The following GRM8 variants were observed in gnomAD, a reference collection of about 807,000 sequenced individuals.
The protein encoded by GRM8 is glutamate metabotropic receptor 8.
GRM8 carries 47 observed loss-of-function variants against 87.2 expected under a neutral mutation model. That is an observed-to-expected ratio of 0.54 (90% CI 0.43 to 0.69). GRM8 has a LOEUF of 0.69. Among genes scored for constraint, GRM8 ranks in the 30% least tolerant of loss-of-function variants. GRM8 has a pLI of 0.00. For synonymous variants in GRM8, 396 were observed against 404.5 expected, an observed-to-expected ratio of 0.98 and a Z score of 0.25; for missense variants, 1,019 against 1,139.2, an observed-to-expected ratio of 0.89 and a Z score of 1.52.
intron 6 of GRM8, among the ~76,000 whole-genome samples, chr7:126,889,211 C>T (rs1433670802): frequency 2.6e-5 from 4 of 152,138 alleles, no homozygotes; most frequent in Admixed American, 2.0e-4. Flanking sequence ...GCAACCACCA[C>T]TCTCACCACC....
At chr7:127,110,661 G>A (rs1826265354) in intron 2 of GRM8, among the ~76,000 whole-genome samples, 1 of 151,718 alleles carries the variant, frequency 6.6e-6, no homozygotes, top group Non-Finnish European at 1.5e-5. Flanking sequence ...CAATTATTTT[G>A]GTTAGGAAAA....
chr7:126,961,039 T>G (rs1809267079), intron 3 of GRM8, among the ~76,000 whole-genome samples: 1 of 152,088 alleles, frequency 6.6e-6, no homozygotes, highest in Non-Finnish European at 1.5e-5. Context: ...ACAATTCTCC[T>G]TCTTCATTTT....
intron 8 of GRM8, among the ~76,000 whole-genome samples, chr7:126,602,009 T>C (rs1304857362): frequency 1.6e-5 from 2 of 122,240 alleles, no homozygotes; most frequent in African/African-American, 2.8e-5. Flanking sequence ...TCCTTGCCCA[T>C]GCCTATGTCC....
intron 9 of GRM8, among the ~76,000 whole-genome samples, chr7:126,522,334 C>T (rs1813108221): frequency 6.6e-6 from 1 of 152,156 alleles, no homozygotes; most frequent in Non-Finnish European, 1.5e-5. Flanking sequence ...ACATCCCCTG[C>T]AACTCTTCAG....
chr7:126,530,482 G>A (rs1814623227), intron 9 of GRM8, among the ~76,000 whole-genome samples: 1 of 152,238 alleles, frequency 6.6e-6, no homozygotes. Context: ...TGGGCTGGGA[G>A]CCAGACTCAG....
At chr7:126,840,666 C>T (rs1255812658) in intron 6 of GRM8, among the ~76,000 whole-genome samples, 1 of 152,022 alleles carries the variant, frequency 6.6e-6, no homozygotes, top group Non-Finnish European at 1.5e-5. Flanking sequence ...CATAGCATGA[C>T]TTGCTAATGA....
At chr7:127,202,352 A>G (rs1339287022) in intron 2 of GRM8, among the ~76,000 whole-genome samples, 1 of 151,964 alleles carries the variant, frequency 6.6e-6, no homozygotes, top group Non-Finnish European at 1.5e-5. Flanking sequence ...TAATTTCTGT[A>G]TTTTTAGTAG....
intron 3 of GRM8, among the ~76,000 whole-genome samples, chr7:127,044,458 C>T (rs970476393): frequency 3.9e-5 from 6 of 152,032 alleles, no homozygotes; most frequent in Non-Finnish European, 7.4e-5. Flanking sequence ...AGTTCTGGCA[C>T]AATTTAGATA....
chr7:126,570,612 T>C (rs568702534), intron 8 of GRM8, among the ~76,000 whole-genome samples: 5 of 152,312 alleles, frequency 3.3e-5, no homozygotes, highest in South Asian at 2.1e-4. Context: ...TGAAGACTTA[T>C]TGAAAAACAT....
intron 1 of GRM8, among the ~76,000 whole-genome samples, chr7:127,248,224 T>C (rs745526217): frequency 8.5e-5 from 13 of 152,254 alleles, no homozygotes; most frequent in Non-Finnish European, 1.6e-4. Flanking sequence ...ACTTACTGAT[T>C]GCCTGCAGTG....
At chr7:126,971,851 C>A (rs1810464186) in intron 3 of GRM8, among the ~76,000 whole-genome samples, 1 of 152,052 alleles carries the variant, frequency 6.6e-6, no homozygotes, top group Non-Finnish European at 1.5e-5. Flanking sequence ...GAGGAAATAG[C>A]TTTTGGGTAT....
intron 8 of GRM8, among the ~76,000 whole-genome samples, chr7:126,554,552 C>T (rs1792936136): frequency 6.6e-6 from 1 of 152,002 alleles, no homozygotes; most frequent in Admixed American, 6.6e-5. Context: ...ATGATCGTGC[C>T]ACTGCACTCC....
intron 6 of GRM8, among the ~76,000 whole-genome samples, chr7:126,879,681 T>C (rs1799853907): frequency 6.6e-6 from 1 of 152,254 alleles, no homozygotes; most frequent in Admixed American, 6.5e-5. Flanking sequence ...TTTACACCAG[T>C]TAAATAACAG....
intron 6 of GRM8, among the ~76,000 whole-genome samples, chr7:126,855,053 GT>G (rs1797551452): frequency 6.6e-6 from 1 of 152,114 alleles, no homozygotes; most frequent in South Asian, 2.1e-4. Context: ...TCAGTATAAT[GT>G]TGGCTGTGGG....
chr7:127,099,721 C>A (rs968837038), intron 3 of GRM8, among the ~76,000 whole-genome samples: 1 of 152,168 alleles, frequency 6.6e-6, no homozygotes, highest in Admixed American at 6.5e-5. Flanking sequence ...TCCTCCTAGC[C>A]CAAATCCCAT....
At chr7:126,575,709 G>C (rs886716815) in intron 8 of GRM8, among the ~76,000 whole-genome samples, 3 of 152,064 alleles carry the variant, frequency 2.0e-5, no homozygotes, top group Middle Eastern at 3.2e-3. Flanking sequence ...CATACACACT[G>C]TTTTTTGAAA....
intron 3 of GRM8, among the ~76,000 whole-genome samples, chr7:127,055,299 T>G (rs925315707): frequency 2.6e-5 from 4 of 152,224 alleles, no homozygotes; most frequent in African/African-American, 9.6e-5. Flanking sequence ...GGAATGAAAA[T>G]AGTCTTCATC....
Position 126,530,893 on chromosome 7 carries a change from G to A in GRM8, c.2430+2059C>T, listed in dbSNP as rs192267514. On this transcript the variant is annotated intron_variant, in intron 9 of 10. Coordinates refer to ENST00000339582, the MANE Select transcript of GRM8 (RefSeq NM_000845.3). ...CATGATCCTAGCTCACTATAACCTTGAACTCCTGGGCTCAAACAATCCCTG... is the reference window on the plus strand; with the variant it reads ...CATGATCCTAGCTCACTATAACCTTAAACTCCTGGGCTCAAACAATCCCTG... Among the ~76,000 whole-genome samples the A allele has an allele frequency of 4.1e-3, 631 of 152,232 alleles. 4 individuals carry two copies. Among genetic ancestry groups the A allele is most frequent in the African/African-American group, 0.015 (611 of 41,542 alleles).
chr7:127,156,709 C>T (rs1463923990), intron 2 of GRM8, among the ~76,000 whole-genome samples: 1 of 152,092 alleles, frequency 6.6e-6, no homozygotes, highest in African/African-American at 2.4e-5. Context: ...CACTGAACAA[C>T]TTACACCCAA....
Sources: allele counts gnomAD v4.1 joint callset (sites outside exome capture counted in the v4.1 genomes callset), GRCh38; gene constraint gnomAD v4.1.1; transcripts MANE v1.5; gene names NCBI Gene and HGNC (gene_info 2026-07-23, HGNC 2026-07-21).